SLC6A17: variants seen among roughly 807,000 people sequenced by gnomAD.
The protein encoded by SLC6A17 is solute carrier family 6 member 17, also known as sodium-dependent neutral amino acid transporter SLC6A17.
A neutral mutation model predicts 64.5 loss-of-function variants in SLC6A17; 21 were observed. The ratio of observed to expected loss-of-function variants is 0.33; its 90% CI spans 0.23 to 0.47. The LOEUF (loss-of-function observed/expected upper bound fraction) is 0.47. Among genes scored for constraint, SLC6A17 ranks in the 20% least tolerant of loss-of-function variants. SLC6A17 has a pLI of 1.00. For missense variants in SLC6A17, 682 were observed against 963.2 expected (o/e 0.71, Z 3.86); for synonymous variants, 372 against 399.5 (o/e 0.93, Z 0.82).
chr1:110,187,855 C>A (rs1460343698), intron 6 of SLC6A17, among the ~76,000 whole-genome samples: 1 of 152,254 alleles, frequency 6.6e-6, no homozygotes, highest in Non-Finnish European at 1.5e-5. Context: ...AACACAAGTC[C>A]TTTCCCAGTG....
intron 6 of SLC6A17, among the ~76,000 whole-genome samples, chr1:110,186,335 T>C (rs1433992031): frequency 6.6e-6 from 1 of 151,814 alleles, no homozygotes. Flanking sequence ...CTAAACCTTT[T>C]AGGTTTAGGG....
intron 6 of SLC6A17, among the ~76,000 whole-genome samples, chr1:110,180,378 A>G (rs1656490088): frequency 6.6e-6 from 1 of 152,226 alleles, no homozygotes; most frequent in African/African-American, 2.4e-5. Context: ...GAGGTTTTGC[A>G]GGAACAAAAA....
intron 1 of SLC6A17, among the ~76,000 whole-genome samples, chr1:110,156,130 C>G (rs1655754665): frequency 6.6e-6 from 1 of 152,218 alleles, no homozygotes; most frequent in Admixed American, 6.5e-5. Flanking sequence ...CTGGGGCCAT[C>G]TGCCTGCTAG....
At chr1:110,197,634 G>T in intron 11 of SLC6A17, 35 bp downstream of exon 11, 1 of 1,556,098 alleles carries the variant, frequency 6.4e-7, no homozygotes, top group Non-Finnish European at 8.6e-7. Context: ...AGGGACATTT[G>T]CATCTTCTCA....
chr1:110,173,899 GGC>G, intron 3 of SLC6A17, 72 bp from the exon 4 acceptor site: 5 of 1,530,950 alleles, frequency 3.3e-6, no homozygotes, highest in African/African-American at 1.4e-5. Context: ...CGACGTGCTG[GGC>G]CTCGGGTGGA....
At chr1:110,164,668 G>T (rs568516832) in intron 1 of SLC6A17, among the ~76,000 whole-genome samples, 1 of 152,208 alleles carries the variant, frequency 6.6e-6, no homozygotes, top group Non-Finnish European at 1.5e-5. Flanking sequence ...GAGGAAGCTC[G>T]TATTAGCTGA....
chr1:110,182,139 G>T (rs1205542980), intron 6 of SLC6A17, among the ~76,000 whole-genome samples: 1 of 152,222 alleles, frequency 6.6e-6, no homozygotes, highest in Non-Finnish European at 1.5e-5. Flanking sequence ...ATGGCAATGG[G>T]AGTGATGAGA....
At chr1:110,182,960 A>T (rs111646594) in intron 6 of SLC6A17, among the ~76,000 whole-genome samples, 1 of 152,214 alleles carries the variant, frequency 6.6e-6, no homozygotes, top group Non-Finnish European at 1.5e-5. Flanking sequence ...GGAGAGGGTC[A>T]TGGGGTCAAG....
intron 6 of SLC6A17, among the ~76,000 whole-genome samples, chr1:110,185,879 T>C (rs1252459956): frequency 6.6e-6 from 1 of 152,132 alleles, no homozygotes; most frequent in African/African-American, 2.4e-5. Flanking sequence ...GTCATCTCCA[T>C]CAGCAAGAGT....
intron 11 of SLC6A17, 67 bp from the exon 12 acceptor site, chr1:110,198,009 T>A: frequency 6.5e-7 from 1 of 1,549,034 alleles, no homozygotes; most frequent in East Asian, 2.2e-5. Flanking sequence ...GAGAGCAGTC[T>A]TGGAGGGCCT....
rs1242360250 is a variant in SLC6A17 at position 110,198,231 on chromosome 1, G to A, written c.1971G>A (p.Lys657=). 2 of 1,614,072 alleles carry A rather than the reference G, an allele frequency of 1.2e-6. No homozygotes were observed. Among genetic ancestry groups the A allele is most frequent in the Non-Finnish European group, 1.7e-6 (2 of 1,180,026 alleles). The part of the protein sequence containing the change: ...GSNTLSVSYK[K]GRMMKDISNL... Reference sequence around the variant, plus strand: ...ACACCCTCTCCGTGTCCTACAAGAAGGGCCGCATGATGAAGGACATCTCCA... The same window carrying A: ...ACACCCTCTCCGTGTCCTACAAGAAAGGCCGCATGATGAAGGACATCTCCA... Residue 657 remains lysine (K), a synonymous_variant, in exon 12 of 12, where the codon AAG becomes AAA. Coordinates refer to ENST00000331565, the MANE Select transcript of SLC6A17 (RefSeq NM_001010898.4).
chr1:110,150,898 G>C lies in SLC6A17; in HGVS notation c.-88+15G>C, dbSNP rs1276410649. 2 of 152,196 alleles carry C rather than the reference G, an allele frequency of 1.3e-5. No individual in the cohort carries two copies. Among genetic ancestry groups the C allele is most frequent in the African/African-American group, 4.8e-5 (2 of 41,430 alleles). The allele number at this position is 152,196 out of a possible 1,614,324, so 9.4% of individuals were successfully genotyped here. On this transcript the variant is annotated intron_variant, in intron 1 of 11. Coordinates refer to ENST00000331565, the MANE Select transcript of SLC6A17 (RefSeq NM_001010898.4). ...ACGCGTGACAGGTGAGTCGCTGGCCGCGCCCCGCCTGGCTTTACCGGGCCG... is the reference window on the plus strand; with the variant it reads ...ACGCGTGACAGGTGAGTCGCTGGCCCCGCCCCGCCTGGCTTTACCGGGCCG...
chr1:110,192,265 G>T lies in SLC6A17; in HGVS notation c.1106+52G>T. 6.4e-7 allele frequency: 1 copy of T among 1,573,898 alleles called. No individual in the cohort carries two copies. The highest frequency in any genetic ancestry group is 8.6e-7 in the Non-Finnish European group (1 of 1,156,920). On this transcript the variant is annotated intron_variant, in intron 7 of 11. Transcript: ENST00000331565. This position sits in a 1 kb window ranked among gnomAD's most constrained non-coding sequence, Gnocchi z 4.3. ...TCCTTCTCCCTGTCTACCTTACCTG[G>T]GAGTGGGCAGGGGTGGGGGCGCAGG...
intron 1 of SLC6A17, among the ~76,000 whole-genome samples, chr1:110,163,018 T>TAAAA (rs67702050): frequency 2.8e-4 from 29 of 102,186 alleles, no homozygotes; most frequent in African/African-American, 1.0e-3. Context: ...CCCATGTTGG[T>TAAAA]AAAAAAAAAA....
intron 1 of SLC6A17, among the ~76,000 whole-genome samples, chr1:110,154,260 A>T (rs1391194066): frequency 6.6e-6 from 1 of 152,250 alleles, no homozygotes; most frequent in African/African-American, 2.4e-5. Flanking sequence ...CAGAGAGGTT[A>T]AATAATTTGT....
intron 1 of SLC6A17, among the ~76,000 whole-genome samples, chr1:110,164,760 G>C (rs1243620788): frequency 6.6e-6 from 1 of 152,188 alleles, no homozygotes; most frequent in Non-Finnish European, 1.5e-5. Context: ...CTTTTAAAAT[G>C]ATGCTTTTTT....
chr1:110,172,032 C>T (rs1168875730), intron 2 of SLC6A17, 28 bp from the exon 3 acceptor site: 4 of 1,611,746 alleles, frequency 2.5e-6, no homozygotes, highest in Non-Finnish European at 3.4e-6. Flanking sequence ...TCCAGAGCCC[C>T]TCTGCCATCC....
In SLC6A17 at chr1:110,191,975, G is replaced by C; in HGVS notation, c.868G>C (p.Asp290His). 1.2e-6 allele frequency: 2 copies of C among 1,613,550 alleles called. No individual in the cohort carries two copies. The highest frequency in any genetic ancestry group is 1.7e-6 in the Non-Finnish European group (2 of 1,179,620). ...GILHMFTPKL[D>H]KMLDPQVWRE... ...CTGCCTTGGTCTTCTGCCATAGCTG[G>C]ACAAGATGCTGGACCCCCAGGTGTG... The change falls in exon 7 of 12, where the codon GAC becomes CAC. Residue 290 changes from aspartate to histidine, a missense_variant. By Grantham distance (81) the Asp-to-His change is moderately conservative (BLOSUM62 -1). Around this residue, in one of 3 missense-constraint regions of SLC6A17, gnomAD observed 415 missense variants for 603.8 expected, o/e 0.69. Coordinates refer to ENST00000331565, the MANE Select transcript of SLC6A17 (RefSeq NM_001010898.4).
chr1:110,169,139 C>T (rs1248637589), intron 2 of SLC6A17, among the ~76,000 whole-genome samples: 1 of 152,150 alleles, frequency 6.6e-6, no homozygotes, highest in Non-Finnish European at 1.5e-5. Flanking sequence ...AGAGTTGAGT[C>T]TGTGCTTTTG....
Sources: gnomAD v4.1 joint callset for allele counts (sites outside exome capture counted in the v4.1 genomes callset) on GRCh38, gnomAD v4.1.1 for gene constraint, gnomAD v4.1.1 regional missense constraint, Gnocchi (gnomAD v3.1) non-coding constraint, MANE v1.5 for transcripts, NCBI Gene and HGNC (gene_info 2026-07-23, HGNC 2026-07-21) for gene names.